The following OR4K1 variants were observed in gnomAD, a reference collection of about 807,000 sequenced individuals.
OR4K1 encodes olfactory receptor 4K1.
In OR4K1, 16 loss-of-function variants were observed where a neutral mutation model predicts 14.4. The ratio of observed to expected loss-of-function variants is 1.11; its 90% confidence interval spans 0.75 to 1.68. The LOEUF is 1.68. Ranked by LOEUF, OR4K1 falls within the 40% of genes most tolerant of loss-of-function variation. The pLI is 0.00. For missense variants in OR4K1, 548 were observed against 376.9 expected (o/e 1.45, Z -3.76); for synonymous variants, 181 against 133.1 (o/e 1.36, Z -2.48).
the OR4K1 span, chr14:19,921,620 A>G: frequency 6.5e-7 from 1 of 1,545,674 alleles, no homozygotes; most frequent in Non-Finnish European, 8.7e-7. Flanking sequence ...ACACTGTTTA[A>G]TATTTTAATG....
chr14:19,921,954 G>A, the OR4K1 span, among the ~76,000 whole-genome samples: 1 of 152,204 alleles, frequency 6.6e-6, no homozygotes, highest in Non-Finnish European at 1.5e-5. Flanking sequence ...AAACTTCTAT[G>A]TGGATGAATA....
intron 1 of OR4K1, 98 bp from the exon 2 acceptor site, chr14:19,935,550 A>G (rs1882285321): frequency 1.0e-6 from 1 of 952,436 alleles, no homozygotes. Flanking sequence ...TAAATTGACT[A>G]TTTCTTTTGT....
At chr14:19,934,420 G>C (rs1179741151) in intron 1 of OR4K1, among the ~76,000 whole-genome samples, 3 of 152,268 alleles carry the variant, frequency 2.0e-5, no homozygotes, top group African/African-American at 7.2e-5. Flanking sequence ...ACAAATTCAA[G>C]TTTGTCAGGT....
At chr14:19,920,826 G>A in the OR4K1 span, 2 of 1,614,166 alleles carry the variant, frequency 1.2e-6, no homozygotes, top group South Asian at 1.1e-5. Context: ...CATTTGTCAG[G>A]CTTCTTTTGC....
chr14:19,935,986 T>C lies in OR4K1; in HGVS notation c.320T>C (p.Phe107Ser). The C allele has an allele frequency of 6.2e-7, 1 of 1,614,260 alleles. No individual in the cohort carries two copies. The highest frequency in any genetic ancestry group is 8.5e-7 in the Non-Finnish European group (1 of 1,180,044). The change falls in exon 2 of 2, where the codon TTT (phenylalanine) becomes TCT (serine). Residue 107 changes from phenylalanine to serine, a missense_variant. By Grantham distance (155) the Phe-to-Ser change is radical. Transcript: ENST00000641172. ...GCCCAGATATTCGTTCTTCACAGTT[T>C]TGTTGGGAGTGAGATGATGTTGCTT... ...CMAQIFVLHSFVGSEMMLLVA... is the reference protein window; with the variant it reads ...CMAQIFVLHSSVGSEMMLLVA...
In OR4K1 at chr14:19,936,437, C is replaced by A; in HGVS notation, c.771C>A (p.Phe257Leu). 1.9e-6 allele frequency: 3 copies of A among 1,614,072 alleles called. No individual in the cohort carries two copies. Among genetic ancestry groups the A allele is most frequent in the Non-Finnish European group, 2.5e-6 (3 of 1,180,020 alleles). ...TTTTCTTCGGGCCTTGCATTTATTT[C>A]TATATATGGCCTTTTAGCAGACTTC... is the stretch of plus-strand genomic sequence containing the variant. ...VILFFGPCIY[F>L]YIWPFSRLPV... The change falls in exon 2 of 2, where the codon TTC (phenylalanine) becomes TTA (leucine). Residue 257 changes from phenylalanine (F) to leucine (L), a missense_variant. Transcript: ENST00000641172.
At chr14:19,922,345 A>G in the OR4K1 span, among the ~76,000 whole-genome samples, 1 of 152,236 alleles carries the variant, frequency 6.6e-6, no homozygotes, top group Non-Finnish European at 1.5e-5. Context: ...GCTTATGTTC[A>G]GGCACCCAGT....
At chr14:19,924,329 G>A in the OR4K1 span, among the ~76,000 whole-genome samples, 1 of 149,138 alleles carries the variant, frequency 6.7e-6, no homozygotes, top group Non-Finnish European at 1.5e-5. Flanking sequence ...GAACTTGGGA[G>A]GCGGAGGTTG....
the OR4K1 span, among the ~76,000 whole-genome samples, chr14:19,923,105 G>C: frequency 6.6e-6 from 1 of 152,148 alleles, no homozygotes; most frequent in East Asian, 1.9e-4. Context: ...TGGGAGCTAG[G>C]CATCTATTTT....
chr14:19,927,927 T>C (rs138599015), upstream of OR4K1, among the ~76,000 whole-genome samples: 31 of 152,316 alleles, frequency 2.0e-4, no homozygotes, highest in East Asian at 6.0e-3. Context: ...GAAACTGGAA[T>C]TTATTGAATT....
the OR4K1 span, chr14:19,921,705 C>T: frequency 7.7e-6 from 8 of 1,041,908 alleles, no homozygotes; most frequent in South Asian, 3.7e-5. Context: ...TGAATATTAA[C>T]AAGTCTTTTT....
At chr14:19,922,169 A>C in the OR4K1 span, among the ~76,000 whole-genome samples, 4 of 152,238 alleles carry the variant, frequency 2.6e-5, no homozygotes, top group African/African-American at 9.7e-5. Context: ...TTCCATTTTA[A>C]ACCTTTCATT....
At chr14:19,934,044 C>T (rs1882247950) in intron 1 of OR4K1, among the ~76,000 whole-genome samples, 1 of 152,256 alleles carries the variant, frequency 6.6e-6, no homozygotes, top group Non-Finnish European at 1.5e-5. Flanking sequence ...ATTACCTATA[C>T]AATTTTAACT....
chr14:19,922,673 G>C, the OR4K1 span, among the ~76,000 whole-genome samples: 512 of 125,364 alleles, frequency 4.1e-3, 2 homozygotes, highest in African/African-American at 0.014. Flanking sequence ...TTTTACTATT[G>C]CTTTATAGTA....
Position 19,935,853 on chromosome 14 carries a change from C to T in OR4K1, c.187C>T (p.Leu63Phe). Residue 63 changes from leucine (L) to phenylalanine (F), a missense_variant, in exon 2 of 2, where the codon CTC becomes TTC. Physicochemically the swap from Leu to Phe is conservative, Grantham distance 22. Coordinates refer to ENST00000641172, the MANE Select transcript of OR4K1 (RefSeq NM_001004063.3). ...TTTGAACTCTCCTATGTACTTCTTG[C>T]TCAGTAATCTTTCTTTCATTGATAT... ...SHLNSPMYFLLSNLSFIDICQ... is the reference protein window; with the variant it reads ...SHLNSPMYFLFSNLSFIDICQ... The T allele has an allele frequency of 1.2e-6, 2 of 1,614,238 alleles. No homozygotes were observed. The highest frequency in any genetic ancestry group is 1.7e-6 in the Non-Finnish European group (2 of 1,180,038).
At chr14:19,934,523 C>G (rs1331352117) in intron 1 of OR4K1, among the ~76,000 whole-genome samples, 1 of 152,232 alleles carries the variant, frequency 6.6e-6, no homozygotes. Context: ...TTCTATGTGA[C>G]AGAAGGTGAA....
chr14:19,928,762 T>C (rs1465428888), upstream of OR4K1, among the ~76,000 whole-genome samples: 1 of 152,168 alleles, frequency 6.6e-6, no homozygotes, highest in South Asian at 2.1e-4. Context: ...GGTAAAGATG[T>C]CTTATTATTG....
chr14:19,935,058 G>A (rs181405331), intron 1 of OR4K1, among the ~76,000 whole-genome samples: 3 of 152,302 alleles, frequency 2.0e-5, no homozygotes, highest in East Asian at 1.9e-4. Flanking sequence ...TTGCATTCAC[G>A]ATTTGCTCCT....
intron 1 of OR4K1, among the ~76,000 whole-genome samples, chr14:19,932,533 T>C (rs1292483817): frequency 6.6e-6 from 1 of 152,248 alleles, no homozygotes; most frequent in Non-Finnish European, 1.5e-5. Flanking sequence ...AACTGTTCAT[T>C]CCATTAGAAA....
Sources: allele counts gnomAD v4.1 joint callset (sites outside exome capture counted in the v4.1 genomes callset), GRCh38; gene constraint gnomAD v4.1.1; transcripts MANE v1.5; gene names NCBI Gene and HGNC (gene_info 2026-07-23, HGNC 2026-07-21).